PCDHGB2: variants seen among roughly 807,000 people sequenced by gnomAD.
PCDHGB2 encodes the protein protocadherin gamma-B2.
A neutral mutation model predicts 59.3 loss-of-function variants in PCDHGB2; 55 were observed. That is an observed-to-expected ratio of 0.93 (90% CI 0.75 to 1.16). The LOEUF (loss-of-function observed/expected upper bound fraction) is 1.16, where lower values mean the gene tolerates loss of function less well. Ranked by LOEUF, PCDHGB2 falls within the 50% of genes most tolerant of loss-of-function variation. The pLI is 0.00. For missense variants in PCDHGB2, 1,228 were observed against 1,198.5 expected, an observed-to-expected ratio of 1.02 and a Z score of -0.36; for synonymous variants, 516 against 512.0, an observed-to-expected ratio of 1.01 and a Z score of -0.11.
chr5:141,404,752 G>C, intron 1 of PCDHGB2: 1 of 1,614,010 alleles, frequency 6.2e-7, no homozygotes, highest in Non-Finnish European at 8.5e-7. Flanking sequence ...ACTCAGGCCA[G>C]AATGCTTGGC....
rs532517723 is a variant in PCDHGB2, at chr5:141,486,244, A to G, written c.2422-8563A>G. The G allele has an allele frequency of 1.2e-5, 19 of 1,614,068 alleles. No homozygotes were observed. The Admixed American group carries it at 2.3e-4, about 20-fold the overall frequency. On this transcript the variant is annotated intron_variant, in intron 1 of 3. Coordinates refer to ENST00000522605, the MANE Select transcript of PCDHGB2 (RefSeq NM_018923.3). This position sits in a 1 kb window ranked among gnomAD's most constrained non-coding sequence, Gnocchi z 5.0. ...ACATCACAGTGACCTCAGAGCTTGGAACCCTCCCCGAGAGTGCAGAACCTG... is the reference window on the plus strand; with the variant it reads ...ACATCACAGTGACCTCAGAGCTTGGGACCCTCCCCGAGAGTGCAGAACCTG...
intron 1 of PCDHGB2, chr5:141,414,906 A>C (rs749933537): frequency 6.2e-7 from 1 of 1,614,146 alleles, no homozygotes; most frequent in Admixed American, 1.7e-5. Context: ...ACGGTTCCAC[A>C]GGCGTGGAGC....
At chr5:141,372,612 C>T (rs773605439) in intron 1 of PCDHGB2, 2 of 1,614,004 alleles carry the variant, frequency 1.2e-6, no homozygotes, top group Non-Finnish European at 1.7e-6. Context: ...ACCTGGAGTT[C>T]TCCCCACCTA....
chr5:141,400,645 G>T, intron 1 of PCDHGB2: 1 of 1,239,756 alleles, frequency 8.1e-7, no homozygotes, highest in Non-Finnish European at 1.2e-6. Context: ...TGCTCAGAAA[G>T]CTGTCCTACC....
chr5:141,399,831 TG>T (rs1368149251), intron 1 of PCDHGB2: 1 of 1,613,172 alleles, frequency 6.2e-7, no homozygotes, highest in South Asian at 1.1e-5. Flanking sequence ...CCGACGGCTC[TG>T]CGCTCTTCGA....
intron 1 of PCDHGB2, among the ~76,000 whole-genome samples, chr5:141,462,868 T>C (rs1232965498): frequency 6.6e-6 from 1 of 152,228 alleles, no homozygotes; most frequent in East Asian, 1.9e-4. Context: ...TTTGTCTTTC[T>C]TTAAGAACTA....
Position 141,485,598 on chromosome 5 carries a change from T to C in PCDHGB2, c.2422-9209T>C, listed in dbSNP as rs931717579. 25 of 1,612,028 alleles carry C rather than the reference T, an allele frequency of 1.6e-5. No individual in the cohort carries two copies. Among genetic ancestry groups the C allele is most frequent in the African/African-American group, 2.7e-5 (2 of 74,838 alleles). ...CCGCGGCAGCAGCTGGACTTGGAAA[T>C]TGGGGAGGCAGCTCCTCCAGGACAG... On this transcript the variant is annotated intron_variant, in intron 1 of 3. Transcript: ENST00000522605. This position sits in a 1 kb window ranked among gnomAD's most constrained non-coding sequence, Gnocchi z 5.7.
intron 1 of PCDHGB2, chr5:141,427,650 G>A (rs1352503291): frequency 1.4e-6 from 1 of 718,312 alleles, no homozygotes; most frequent in Admixed American, 2.0e-5. Flanking sequence ...AGTCTCCTAC[G>A]TGGTCCACGT....
At chr5:141,475,892 G>A (rs1279219556) in intron 1 of PCDHGB2, 1 of 568,264 alleles carries the variant, frequency 1.8e-6, no homozygotes, top group Non-Finnish European at 3.1e-6. Context: ...GGGACTCTGT[G>A]TGCCGCTGTC....
In PCDHGB2 at chr5:141,414,114, T is replaced by C. The variant is rs145910780; in HGVS notation, c.2421+51558T>C. The C allele has an allele frequency of 2.0e-5, 32 of 1,592,348 alleles. 2 individuals carry two copies. In the East Asian group the frequency reaches 6.3e-4, roughly 32 times the overall value. ...TAAAAATATCAGAAAATCTAGATTA[T>C]GAAGAAACCGGTTTCTATGAAATAG... On this transcript the variant is annotated intron_variant, in intron 1 of 3. Coordinates refer to ENST00000522605, the MANE Select transcript of PCDHGB2 (RefSeq NM_018923.3).
intron 1 of PCDHGB2, chr5:141,413,903 C>T (rs1038159413): frequency 2.5e-6 from 4 of 1,613,308 alleles, no homozygotes; most frequent in Non-Finnish European, 3.4e-6. Flanking sequence ...AATGACAACG[C>T]GCCGGTCTTC....
In PCDHGB2 at chr5:141,487,680, A is replaced by G; in HGVS notation, c.2422-7127A>G. On this transcript the variant is annotated intron_variant, in intron 1 of 3. Coordinates refer to ENST00000522605, the MANE Select transcript of PCDHGB2 (RefSeq NM_018923.3). This position sits in a 1 kb window ranked among gnomAD's most constrained non-coding sequence, Gnocchi z 5.0. ...TCTGATCCAGGCATATGGCTAGGCC[A>G]TGTCCTAGAGAGTACTGGCCTCTCA... 6.2e-7 allele frequency: 1 copy of G among 1,609,370 alleles called. No individual in the cohort carries two copies. The highest frequency in any genetic ancestry group is 2.2e-5 in the East Asian group (1 of 44,826).
chr5:141,510,825 G>C, intron 3 of PCDHGB2, 122 bp from the exon 4 acceptor site: 2 of 1,566,486 alleles, frequency 1.3e-6, no homozygotes, highest in Non-Finnish European at 1.7e-6. Flanking sequence ...TATATTCCCA[G>C]TGCTCAGCGT....
At chr5:141,458,318 A>T (rs1420197662) in intron 1 of PCDHGB2, among the ~76,000 whole-genome samples, 1 of 152,128 alleles carries the variant, frequency 6.6e-6, no homozygotes, top group Non-Finnish European at 1.5e-5. Context: ...ACACAGACAC[A>T]TGTGGAGTGG....
At chr5:141,383,565 A>G (rs1306554654) in intron 1 of PCDHGB2, 5 of 1,613,204 alleles carry the variant, frequency 3.1e-6, no homozygotes, top group Non-Finnish European at 4.2e-6. Flanking sequence ...ACCCGCCCCG[A>G]TCCAGCACCG....
intron 1 of PCDHGB2, chr5:141,371,923 G>A: frequency 2.5e-6 from 4 of 1,613,350 alleles, no homozygotes; most frequent in African/African-American, 1.3e-5. Flanking sequence ...GTGAGCGCGC[G>A]GAGCGGGGTG....
At chr5:141,399,066 G>C (rs770799351) in intron 1 of PCDHGB2, 5 of 1,613,726 alleles carry the variant, frequency 3.1e-6, no homozygotes, top group South Asian at 2.2e-5. Context: ...AATATTCAAT[G>C]GTTGTAGAAG....
intron 1 of PCDHGB2, among the ~76,000 whole-genome samples, chr5:141,451,387 T>C (rs1039738460): frequency 6.6e-6 from 1 of 152,116 alleles, no homozygotes; most frequent in African/African-American, 2.4e-5. Flanking sequence ...TCTCACATAG[T>C]TAATGGCAAA....
At chr5:141,505,202 T>C (rs778935321) in intron 2 of PCDHGB2, among the ~76,000 whole-genome samples, 191 bp from the exon 3 acceptor site, 3 of 152,012 alleles carry the variant, frequency 2.0e-5, no homozygotes, top group Non-Finnish European at 4.4e-5. Flanking sequence ...AAAGAGCTGG[T>C]TTGAGGGACT....
Sources: gnomAD v4.1 joint callset for allele counts (sites outside exome capture counted in the v4.1 genomes callset) on GRCh38, gnomAD v4.1.1 for gene constraint, Gnocchi (gnomAD v3.1) non-coding constraint, MANE v1.5 for transcripts, NCBI Gene and HGNC (gene_info 2026-07-23, HGNC 2026-07-21) for gene names.